Variants in CCDC169 observed in about 807,000 individuals in gnomAD.
The protein encoded by CCDC169 is coiled-coil domain-containing protein 169.
In CCDC169, 30 loss-of-function variants were observed where a neutral mutation model predicts 36.0. That is an observed-to-expected ratio of 0.83 (90% CI 0.62 to 1.13). CCDC169 has a LOEUF of 1.13. Ranked by LOEUF, CCDC169 falls within the 50% of genes most tolerant of loss-of-function variation. The pLI is 0.00. For missense variants in CCDC169, 245 were observed against 245.9 expected (o/e 1.00, Z 0.03); for synonymous variants, 85 against 81.5 (o/e 1.04, Z -0.23).
chr13:36,225,507 T>A (rs1325801215), downstream of CCDC169: 1 of 152,210 alleles, frequency 6.6e-6, no homozygotes, highest in East Asian at 1.9e-4. Flanking sequence ...GCCTGGCCCC[T>A]GGAAACACCA....
chr13:36,233,507 G>T (rs1043215026), intron 7 of CCDC169, among the ~76,000 whole-genome samples: 5 of 131,572 alleles, frequency 3.8e-5, no homozygotes, highest in African/African-American at 1.3e-4. Flanking sequence ...AATAGAGAAA[G>T]ACTTTAAATC....
At chr13:36,278,818 G>A (rs892264519) in intron 4 of CCDC169, among the ~76,000 whole-genome samples, 1 of 152,080 alleles carries the variant, frequency 6.6e-6, no homozygotes. Context: ...TGTTTTCAGA[G>A]AAGCAACTTT....
chr13:36,236,405 A>G (rs993964856), intron 7 of CCDC169, among the ~76,000 whole-genome samples: 5 of 152,040 alleles, frequency 3.3e-5, no homozygotes, highest in African/African-American at 1.2e-4. Context: ...GGCAAAGGAT[A>G]GTGTCTTCAA....
chr13:36,286,710 G>A (rs535968757), intron 2 of CCDC169, among the ~76,000 whole-genome samples: 12 of 151,848 alleles, frequency 7.9e-5, no homozygotes, highest in South Asian at 6.3e-4. Flanking sequence ...ACCACCCTTC[G>A]CTCCCTCTGG....
intron 2 of CCDC169, among the ~76,000 whole-genome samples, chr13:36,285,614 G>GATAGATAGATACATACATACATAC (rs568184993): frequency 2.2e-5 from 3 of 138,074 alleles, no homozygotes; most frequent in African/African-American, 8.1e-5. Flanking sequence ...TAGATAGATA[G>GATAGATAGATACATACATACATAC]ATAGATACAT....
intron 4 of CCDC169, among the ~76,000 whole-genome samples, chr13:36,272,105 AAAT>A (rs1418321201): frequency 1.9e-5 from 2 of 107,884 alleles, no homozygotes; most frequent in African/African-American, 3.1e-5. Flanking sequence ...AAAACTAAAA[AAAT>A]AAATAAATAA....
rs140098765 is a variant in CCDC169 at position 36,277,918 on chromosome 13, C to A, written c.315+5551G>T. ...CGAGATCGTGCCATTGCACTCCAGCCTGGGCAACAGAGCAAGACTCCGTCT... is the reference window on the plus strand; with the variant it reads ...CGAGATCGTGCCATTGCACTCCAGCATGGGCAACAGAGCAAGACTCCGTCT... On this transcript the variant is annotated intron_variant, in intron 4 of 7. Coordinates refer to ENST00000239859, the MANE Select transcript of CCDC169 (RefSeq NM_001144981.3). Among the ~76,000 whole-genome samples the A allele has an allele frequency of 7.7e-3, 1,145 of 149,054 alleles. 18 individuals carry two copies. Among genetic ancestry groups the A allele is most frequent in the African/African-American group, 0.027 (1,093 of 40,204 alleles).
chr13:36,257,497 A>G (rs893619166), intron 4 of CCDC169, among the ~76,000 whole-genome samples: 7 of 176 alleles, frequency 0.04, no homozygotes, highest in Admixed American at 0.25. Context: ...CGAGGTCAAG[A>G]GATCGAGACA....
intron 4 of CCDC169, among the ~76,000 whole-genome samples, chr13:36,271,892 G>C (rs1367693235): frequency 6.6e-6 from 1 of 151,774 alleles, no homozygotes; most frequent in Non-Finnish European, 1.5e-5. Flanking sequence ...AGACCAACCT[G>C]ACCAACATGG....
chr13:36,242,000 C>T (rs181338634), intron 7 of CCDC169, among the ~76,000 whole-genome samples: 1 of 152,224 alleles, frequency 6.6e-6, no homozygotes, highest in African/African-American at 2.4e-5. Flanking sequence ...CTCTCTTCTG[C>T]TCTGCCATGT....
rs569740883 is a variant in CCDC169, at chr13:36,254,466, G to T, written c.316-323C>A. 3.3e-5 allele frequency among the ~76,000 whole-genome samples: 5 copies of T among 151,734 alleles called. No individual in the cohort carries two copies. In the South Asian group the frequency reaches 1.0e-3, roughly 32 times the overall value. On this transcript the variant is annotated intron_variant, in intron 4 of 7. Coordinates refer to ENST00000239859, the MANE Select transcript of CCDC169 (RefSeq NM_001144981.3). Reference sequence around the variant, plus strand: ...AATTTTTTGTGTTTTTAGTAGAGACGTGGTTTCACTATGTTGGCCAGGCTG... The same window carrying T: ...AATTTTTTGTGTTTTTAGTAGAGACTTGGTTTCACTATGTTGGCCAGGCTG...
intron 4 of CCDC169, chr13:36,281,354 T>C (rs1877515505): frequency 1.2e-5 from 5 of 406,620 alleles, no homozygotes; most frequent in Non-Finnish European, 2.4e-5. Context: ...CCTTGATACA[T>C]CATGCTAAAA....
chr13:36,282,072 T>C (rs1443230085), intron 4 of CCDC169, among the ~76,000 whole-genome samples: 1 of 152,220 alleles, frequency 6.6e-6, no homozygotes, highest in African/African-American at 2.4e-5. Context: ...AGCAAATCTG[T>C]AGTTTGAAAT....
chr13:36,282,419 T>C, intron 4 of CCDC169: 1 of 985,400 alleles, frequency 1.0e-6, no homozygotes, highest in South Asian at 4.7e-5. Context: ...GCTTTTTGCT[T>C]AGTAATTGGA....
chr13:36,293,908 G>A (rs1356355129), intron 2 of CCDC169, among the ~76,000 whole-genome samples: 4 of 152,054 alleles, frequency 2.6e-5, no homozygotes, highest in Non-Finnish European at 5.9e-5. Flanking sequence ...ACAAGCAGAA[G>A]TGTTTTGAGT....
intron 4 of CCDC169, among the ~76,000 whole-genome samples, chr13:36,281,445 C>A (rs564340737): frequency 6.6e-6 from 1 of 151,774 alleles, no homozygotes; most frequent in African/African-American, 2.4e-5. Flanking sequence ...GAAAAGTGAA[C>A]CTCAAGAAAA....
chr13:36,227,718 G>A (rs1351453932), downstream of CCDC169, among the ~76,000 whole-genome samples: 1 of 152,078 alleles, frequency 6.6e-6, no homozygotes, highest in Non-Finnish European at 1.5e-5. Flanking sequence ...GTATACAATA[G>A]TTTTCATTAG....
chr13:36,272,218 G>C (rs1339802582), intron 4 of CCDC169, among the ~76,000 whole-genome samples: 2 of 94,100 alleles, frequency 2.1e-5, no homozygotes, highest in African/African-American at 7.5e-5. Context: ...TCATCCATGT[G>C]ACAAAAAAAA....
downstream of CCDC169, chr13:36,222,393 A>G (rs536046115): frequency 1.3e-5 from 2 of 152,324 alleles, no homozygotes; most frequent in Admixed American, 6.5e-5. Flanking sequence ...AATTCCAGAA[A>G]TCTGCATAGG....
Sources: allele counts gnomAD v4.1 joint callset (sites outside exome capture counted in the v4.1 genomes callset), GRCh38; gene constraint gnomAD v4.1.1; transcripts MANE v1.5; gene names NCBI Gene and HGNC (gene_info 2026-07-23, HGNC 2026-07-21).